The following FAM13B variants were observed in gnomAD, a reference collection of about 807,000 sequenced individuals.
FAM13B encodes the protein protein FAM13B.
A neutral mutation model predicts 117.3 loss-of-function variants in FAM13B; 60 were observed. The observed-to-expected ratio is 0.51, with a 90% CI of 0.42 to 0.63. FAM13B has a LOEUF of 0.63. Ranked by LOEUF, FAM13B falls within the 30% of genes least tolerant of loss-of-function variation. The probability of loss-of-function intolerance (pLI) is 0.00; values close to 1 mark genes in which losing one functional copy is unlikely to be tolerated. For synonymous variants in FAM13B, 332 were observed against 356.1 expected (o/e 0.93, Z 0.76); for missense variants, 972 against 1,091.9 (o/e 0.89, Z 1.55).
In FAM13B at chr5:137,959,701, C is replaced by G; in HGVS notation, c.1356G>C (p.Gln452His). Residue 452 changes from glutamine to histidine, a missense_variant, in exon 13 of 24, where the codon CAG (glutamine) becomes CAC (histidine). By Grantham distance (24) the Gln-to-His change is conservative (BLOSUM62 0). Coordinates refer to ENST00000689681, the MANE Select transcript of FAM13B (RefSeq NM_001385994.1). ...CTGCTTCCCCTTGAACACCAACACTCTGACCTCCTGGTACTTCTGATTCAG... is the reference window on the plus strand; with the variant it reads ...CTGCTTCCCCTTGAACACCAACACTGTGACCTCCTGGTACTTCTGATTCAG... ...ANTESEVPGG[Q>H]SVGVQGEAAC... 1.2e-6 allele frequency: 2 copies of G among 1,613,978 alleles called. No individual in the cohort carries two copies. Among genetic ancestry groups the G allele is most frequent in the African/African-American group, 1.3e-5 (1 of 75,050 alleles).
chr5:138,019,555 A>T (rs563943616), intron 2 of FAM13B, among the ~76,000 whole-genome samples: 1 of 152,372 alleles, frequency 6.6e-6, no homozygotes, highest in South Asian at 2.1e-4. Context: ...CCCTCAATTC[A>T]TAAGCCCAAA....
chr5:137,980,720 GT>G (rs1475497705), intron 10 of FAM13B, among the ~76,000 whole-genome samples: 2 of 151,784 alleles, frequency 1.3e-5, no homozygotes, highest in African/African-American at 4.8e-5. Context: ...GATTACAGGC[GT>G]AAGCCACTGC....
intron 4 of FAM13B, among the ~76,000 whole-genome samples, chr5:138,017,981 A>T (rs1183404051): frequency 2.0e-5 from 3 of 152,210 alleles, no homozygotes; most frequent in Non-Finnish European, 4.4e-5. Flanking sequence ...ACATTGTGCC[A>T]CCACACACAT....
At chr5:137,953,589 T>A in intron 15 of FAM13B, 124 bp from the exon 16 acceptor site, 1 of 930,564 alleles carries the variant, frequency 1.1e-6, no homozygotes, top group Non-Finnish European at 1.6e-6. Flanking sequence ...TCCCTAACAC[T>A]AAAGGACAGG....
intron 4 of FAM13B, among the ~76,000 whole-genome samples, chr5:138,014,366 C>G (rs1025464484): frequency 7.9e-5 from 12 of 152,224 alleles, no homozygotes; most frequent in African/African-American, 2.9e-4. Flanking sequence ...AGGAGGTGAG[C>G]AGCAAGTCAG....
chr5:137,976,216 A>C (rs142404502), intron 10 of FAM13B, among the ~76,000 whole-genome samples: 1,974 of 152,002 alleles, frequency 0.013, 32 homozygotes, highest in African/African-American at 0.043. Flanking sequence ...CGGCCTCCCA[A>C]AGTGCTGGGA....
At chr5:138,051,623 A>T (rs750068035) in intron 1 of FAM13B, among the ~76,000 whole-genome samples, 5 of 152,176 alleles carry the variant, frequency 3.3e-5, no homozygotes, top group Non-Finnish European at 5.9e-5. Flanking sequence ...TCTGATTGCA[A>T]CGTCTTCATT....
At chr5:138,040,770 GA>G (rs1007869656) in intron 1 of FAM13B, among the ~76,000 whole-genome samples, 7 of 150,562 alleles carry the variant, frequency 4.6e-5, no homozygotes, top group African/African-American at 1.5e-4. Context: ...TAGGCAGCAA[GA>G]AAAGACATTA....
intron 10 of FAM13B, among the ~76,000 whole-genome samples, chr5:137,965,061 A>G (rs1424399026): frequency 6.6e-6 from 1 of 152,104 alleles, no homozygotes; most frequent in Non-Finnish European, 1.5e-5. Context: ...GCTACTCAGG[A>G]GGCTGAGGCA....
intron 2 of FAM13B, among the ~76,000 whole-genome samples, chr5:138,019,705 A>C (rs1347542651): frequency 3.3e-5 from 5 of 150,246 alleles, no homozygotes; most frequent in African/African-American, 1.2e-4. Context: ...TTTGAGACGG[A>C]GTCTCGCTCT....
chr5:137,980,649 A>G (rs1272957282), intron 10 of FAM13B, among the ~76,000 whole-genome samples: 2 of 152,056 alleles, frequency 1.3e-5, no homozygotes, highest in African/African-American at 2.4e-5. Context: ...CATGTTGCCC[A>G]GGCTGGCCTT....
chr5:138,032,694 G>A, intron 1 of FAM13B, 88 bp downstream of exon 1: 1 of 982,938 alleles, frequency 1.0e-6, no homozygotes, highest in Non-Finnish European at 1.2e-6. Flanking sequence ...CGGGTGGCAG[G>A]CGGCGCTGGG....
At chr5:137,971,186 T>C (rs1293692982) in intron 10 of FAM13B, among the ~76,000 whole-genome samples, 2 of 151,162 alleles carry the variant, frequency 1.3e-5, no homozygotes, top group Non-Finnish European at 3.0e-5. Flanking sequence ...CCAGACCTAT[T>C]CCAAAATTGA....
chr5:138,049,131 G>A (rs980703237), intron 1 of FAM13B, among the ~76,000 whole-genome samples: 9 of 151,900 alleles, frequency 5.9e-5, no homozygotes, highest in African/African-American at 7.3e-5. Flanking sequence ...TAGTAGAGAC[G>A]GGATTTTACC....
chr5:138,006,168 A>T (rs1184984145), intron 7 of FAM13B, among the ~76,000 whole-genome samples: 1 of 152,144 alleles, frequency 6.6e-6, no homozygotes. Flanking sequence ...AAGTGCTGAG[A>T]TTACAGGCGT....
At chr5:138,042,159 T>G (rs929119876) in intron 1 of FAM13B, among the ~76,000 whole-genome samples, 17 of 152,204 alleles carry the variant, frequency 1.1e-4, no homozygotes, top group African/African-American at 4.1e-4. Flanking sequence ...TATGGTATCT[T>G]CATACCATGT....
At position 138,020,582 on chromosome 5, in the gene FAM13B, C is replaced by T. The variant is rs562143808; in HGVS notation, c.-36+449G>A. On this transcript the variant is annotated intron_variant, in intron 2 of 23. Coordinates refer to ENST00000689681, the MANE Select transcript of FAM13B (RefSeq NM_001385994.1). ...AACACATTACACATTTATTACTTTA[C>T]GTAGGAAAAGAGTATTTGTAAAAGA... Among the ~76,000 whole-genome samples the T allele has an allele frequency of 7.2e-5, 11 of 152,066 alleles. No individual in the cohort carries two copies. The East Asian group carries it at 7.7e-4, about 11-fold the overall frequency.
intron 8 of FAM13B, among the ~76,000 whole-genome samples, chr5:137,987,985 C>T (rs1777653236): frequency 6.6e-6 from 1 of 152,154 alleles, no homozygotes; most frequent in Admixed American, 6.5e-5. Flanking sequence ...ATGAGTACTG[C>T]TCACACTTCT....
At chr5:137,966,153 T>C (rs1460505769) in intron 10 of FAM13B, among the ~76,000 whole-genome samples, 1 of 151,722 alleles carries the variant, frequency 6.6e-6, no homozygotes, top group African/African-American at 2.4e-5. Context: ...ATCCAAAATA[T>C]AGGCCGGGTG....
Sources: allele counts gnomAD v4.1 joint callset (sites outside exome capture counted in the v4.1 genomes callset), GRCh38; gene constraint gnomAD v4.1.1; transcripts MANE v1.5; gene names NCBI Gene and HGNC (gene_info 2026-07-23, HGNC 2026-07-21).